ABCA7: variants seen among roughly 807,000 people sequenced by gnomAD.
The protein encoded by ABCA7 is phospholipid-transporting ATPase ABCA7.
In ABCA7, 261 loss-of-function variants were observed where a neutral mutation model predicts 227.6. The observed-to-expected ratio is 1.15, with a 90% CI of 1.04 to 1.27. The LOEUF (loss-of-function observed/expected upper bound fraction) is 1.27, where lower values mean the gene tolerates loss of function less well. Ranked by LOEUF, ABCA7 falls within the 50% of genes most tolerant of loss-of-function variation. The probability of loss-of-function intolerance (pLI) is 0.00; values close to 1 mark genes in which losing one functional copy is unlikely to be tolerated. For missense variants in ABCA7, 3,331 were observed against 2,924.5 expected (o/e 1.14, Z -3.21); for synonymous variants, 1,488 against 1,279.7 (o/e 1.16, Z -3.47).
At chr19:1,046,505 C>A in intron 13 of ABCA7, 99 bp downstream of exon 13, 2 of 1,475,522 alleles carry the variant, frequency 1.4e-6, no homozygotes, top group Non-Finnish European at 1.8e-6. Context: ...GCGGTCCAGG[C>A]TGCGAACTTT....
chr19:1,051,217 T>G lies in ABCA7; in HGVS notation c.2747T>G (p.Val916Gly). ...CTGAAGGGTCTGAGTGCCGCTGTAGTGGGCCCCGAGCAGGACCGTCTGCTG... is the reference window on the plus strand; with the variant it reads ...CTGAAGGGTCTGAGTGCCGCTGTAGGGGGCCCCGAGCAGGACCGTCTGCTG... The part of the protein sequence containing the change: ...GRLKGLSAAV[V>G]GPEQDRLLQD... Residue 916 changes from valine to glycine, a missense_variant, in exon 20 of 47, where the codon GTG becomes GGG. Transcript: ENST00000263094. 6.2e-7 allele frequency: 1 copy of G among 1,611,068 alleles called. No individual in the cohort carries two copies. The highest frequency in any genetic ancestry group is 8.5e-7 in the Non-Finnish European group (1 of 1,179,840).
At position 1,062,227 on chromosome 19, in the gene ABCA7, G is replaced by A; in HGVS notation, c.5626G>A (p.Asp1876Asn). The change falls in exon 42 of 47, where the codon GAT becomes AAT. Residue 1876 changes from aspartate (D) to asparagine (N), a missense_variant. Coordinates refer to ENST00000263094, the MANE Select transcript of ABCA7 (RefSeq NM_019112.4). ...CAGCATGGGATACTGCCCTCAATCC[G>A]ATGCCATCTTTGAGCTGCTGACGGG... ...HLSMGYCPQS[D>N]AIFELLTGRE... 7 of 1,612,324 alleles carry A rather than the reference G, an allele frequency of 4.3e-6. No homozygotes were observed. The highest frequency in any genetic ancestry group is 5.9e-6 in the Non-Finnish European group (7 of 1,179,794).
At position 1,046,418 on chromosome 19, in the gene ABCA7, C is replaced by T; in HGVS notation, c.1622+12C>T. 1 of 1,532,618 alleles carries T rather than the reference C, an allele frequency of 6.5e-7. No homozygotes were observed. 94.9% of individuals were successfully genotyped at this position (1,532,618 alleles called of 1,614,324 possible). ...TATGTGGACGACGTGTGAGCTCTGG[C>T]ACCCCTCCCCGCTCTTCCCCGCGGC... On this transcript the variant is annotated intron_variant, in intron 13 of 46. Transcript: ENST00000263094.
intron 10 of ABCA7, 29 bp downstream of exon 10, chr19:1,043,870 G>A: frequency 6.3e-7 from 1 of 1,597,696 alleles, no homozygotes; most frequent in Non-Finnish European, 8.6e-7. Flanking sequence ...GAGGTGGGAT[G>A]TGGCTCCCCG....
chr19:1,047,789 A>T, intron 16 of ABCA7, 135 bp downstream of exon 16: 3 of 1,044,624 alleles, frequency 2.9e-6, no homozygotes, highest in African/African-American at 1.6e-5. Context: ...GCTTCTTGGC[A>T]CACGCATGCA....
chr19:1,061,412 A>G (rs925703811), intron 40 of ABCA7, among the ~76,000 whole-genome samples: 10 of 146,492 alleles, frequency 6.8e-5, no homozygotes, highest in Non-Finnish European at 1.0e-4. Context: ...AAAAAAAAAA[A>G]GAGGCTGGGT....
chr19:1,047,075 A>T, intron 14 of ABCA7, 51 bp downstream of exon 14: 2 of 1,551,454 alleles, frequency 1.3e-6, no homozygotes, highest in Non-Finnish European at 1.7e-6. Context: ...CTGGAGGGTG[A>T]CAGACAGGGG....
intron 44 of ABCA7, 74 bp downstream of exon 44, chr19:1,063,937 G>A: frequency 6.9e-7 from 1 of 1,455,398 alleles, no homozygotes; most frequent in Non-Finnish European, 9.1e-7. Flanking sequence ...AAAGCACAAG[G>A]CCACAGGGGA....
intron 4 of ABCA7, 39 bp from the exon 5 acceptor site, chr19:1,042,025 C>A (rs781134970): frequency 1.3e-6 from 2 of 1,581,478 alleles, no homozygotes; most frequent in East Asian, 4.5e-5. Context: ...GCTGCAGTGC[C>A]GGCCGGAACC....
At chr19:1,060,208 T>TATATATATATA (rs1555699222) in intron 40 of ABCA7, among the ~76,000 whole-genome samples, 14 of 118,760 alleles carry the variant, frequency 1.2e-4, no homozygotes, top group African/African-American at 4.6e-4. Flanking sequence ...TATATATATA[T>TATATATATATA]TTTTTTTTCT....
intron 36 of ABCA7, 28 bp downstream of exon 36, chr19:1,058,087 G>T (rs912789210): frequency 6.2e-7 from 1 of 1,613,920 alleles, no homozygotes; most frequent in Non-Finnish European, 8.5e-7. Flanking sequence ...TGGGGCTTGG[G>T]CTGGGTTGGG....
Position 1,056,743 on chromosome 19 carries a change from C to A in ABCA7, c.4587-164C>A, listed in dbSNP as rs1272462095. 6.6e-6 allele frequency among the ~76,000 whole-genome samples: 1 copy of A among 152,194 alleles called. No homozygotes were observed. Among genetic ancestry groups the A allele is most frequent in the Admixed American group, 6.5e-5 (1 of 15,276 alleles). On this transcript the variant is annotated intron_variant, in intron 33 of 46. Transcript: ENST00000263094. The surrounding 1 kb of genome is among the most constrained non-coding windows in gnomAD (Gnocchi z 4.3). ...TTATCCTGCCTGAGACCTGTACAACCTCTGCTGCCAAATCCCAGGCACCCT... is the reference window on the plus strand; with the variant it reads ...TTATCCTGCCTGAGACCTGTACAACATCTGCTGCCAAATCCCAGGCACCCT...
intron 16 of ABCA7, 146 bp downstream of exon 16, chr19:1,047,800 G>C (rs957683177): frequency 2.1e-6 from 2 of 960,974 alleles, no homozygotes; most frequent in Admixed American, 5.9e-5. Flanking sequence ...CACGCATGCA[G>C]GTGGCTGCAT....
rs146332932 is a variant in ABCA7, at chr19:1,053,299, G to A, written c.3221-30G>A. On this transcript the variant is annotated intron_variant, in intron 23 of 46. Transcript: ENST00000263094. ...AGACTGGGGTGGGGCGTGAGCCGGG[G>A]CTCCCTGAAGCACCCCTTTGTCCAC... The A allele has an allele frequency of 1.9e-6, 3 of 1,594,906 alleles. No homozygotes were observed. In the East Asian group the frequency reaches 6.8e-5, roughly 36 times the overall value.
Position 1,058,750 on chromosome 19 carries a change from T to C in ABCA7, c.5279+3T>C, listed in dbSNP as rs1315529126. ...CACCGAAGCCAACTCCTGCCACAGT[T>C]AGTGAGGTCTATGGAGAGGGTGGCA... On this transcript the variant is annotated splice_donor_region_variant and intron_variant, in intron 38 of 46. Coordinates refer to ENST00000263094, the MANE Select transcript of ABCA7 (RefSeq NM_019112.4). The C allele has an allele frequency of 1.2e-6, 2 of 1,613,510 alleles. No homozygotes were observed. Among genetic ancestry groups the C allele is most frequent in the African/African-American group, 2.7e-5 (2 of 74,892 alleles).
In ABCA7 at chr19:1,054,623, G is replaced by A. The variant is rs776450695; in HGVS notation, c.3780G>A (p.Val1260=). 6.2e-7 allele frequency: 1 copy of A among 1,613,354 alleles called. No homozygotes were observed. Among genetic ancestry groups the A allele is most frequent in the Non-Finnish European group, 8.5e-7 (1 of 1,179,954 alleles). ...TGGCCCTCGTGTTCAGCCTCATCGT[G>A]CCTCCTTTCGGGCACTACCCGGCTC... ...VGLALVFSLI[V]PPFGHYPALR... Residue 1260 remains valine, a synonymous_variant, in exon 28 of 47, where the codon GTG becomes GTA. Transcript: ENST00000263094. This position sits in a 1 kb window ranked among gnomAD's most constrained non-coding sequence, Gnocchi z 4.8.
intron 11 of ABCA7, 86 bp from the exon 12 acceptor site, chr19:1,044,916 C>G: frequency 6.5e-7 from 1 of 1,539,122 alleles, no homozygotes; most frequent in Non-Finnish European, 8.8e-7. Context: ...AAAACATGGC[C>G]CAGCCCCGAG....
chr19:1,050,120 A>G (rs375904288), intron 18 of ABCA7, among the ~76,000 whole-genome samples: 1 of 150,998 alleles, frequency 6.6e-6, no homozygotes, highest in Non-Finnish European at 1.5e-5. Flanking sequence ...CCCTGTCTCA[A>G]AATAAATAGG....
chr19:1,062,117 C>T (rs2042695579), intron 41 of ABCA7, 55 bp from the exon 42 acceptor site: 1 of 1,592,274 alleles, frequency 6.3e-7, no homozygotes, highest in African/African-American at 1.3e-5. Context: ...GTGTTAGCCA[C>T]CAGTATGGTC....
Sources: allele counts gnomAD v4.1 joint callset (sites outside exome capture counted in the v4.1 genomes callset), GRCh38; gene constraint gnomAD v4.1.1; non-coding constraint Gnocchi (gnomAD v3.1); transcripts MANE v1.5; gene names NCBI Gene and HGNC (gene_info 2026-07-23, HGNC 2026-07-21).